Variants in ST8SIA4 observed in about 807,000 individuals in gnomAD.
ST8SIA4 encodes CMP-N-acetylneuraminate-poly-alpha-2,8-sialyltransferase.
Under a neutral mutation model 33.9 loss-of-function variants are expected in ST8SIA4, and 15 were observed. The ratio of observed to expected loss-of-function variants is 0.44; its 90% CI spans 0.30 to 0.68. The LOEUF (loss-of-function observed/expected upper bound fraction) is 0.68. Among genes scored for constraint, ST8SIA4 ranks in the 30% least tolerant of loss-of-function variants. The pLI is 0.10. For synonymous variants in ST8SIA4, 171 were observed against 151.2 expected, an observed-to-expected ratio of 1.13 and a Z score of -0.96; for missense variants, 321 against 428.0, an observed-to-expected ratio of 0.75 and a Z score of 2.21.
chr5:100,852,269 G>A (rs1751720232), intron 4 of ST8SIA4, among the ~76,000 whole-genome samples: 1 of 151,536 alleles, frequency 6.6e-6, no homozygotes, highest in South Asian at 2.1e-4. Flanking sequence ...CTACAGGTGT[G>A]TGCCACCACA....
At chr5:100,871,940 C>T (rs915607948) in intron 3 of ST8SIA4, among the ~76,000 whole-genome samples, 2 of 151,986 alleles carry the variant, frequency 1.3e-5, no homozygotes, top group African/African-American at 4.8e-5. Context: ...TAGAACATTT[C>T]ACTGTATCAC....
chr5:100,871,649 C>G (rs1752199791), intron 3 of ST8SIA4, among the ~76,000 whole-genome samples: 2 of 152,000 alleles, frequency 1.3e-5, no homozygotes, highest in Non-Finnish European at 2.9e-5. Context: ...AGTCAACAGG[C>G]TTTCCTTTTA....
intron 3 of ST8SIA4, among the ~76,000 whole-genome samples, chr5:100,859,600 T>C (rs1751890591): frequency 1.3e-5 from 2 of 152,126 alleles, no homozygotes; most frequent in Admixed American, 1.3e-4. Context: ...TGCAGCTAAC[T>C]CCACTGTATT....
chr5:100,886,931 T>C (rs1752550943), intron 2 of ST8SIA4, among the ~76,000 whole-genome samples: 1 of 152,114 alleles, frequency 6.6e-6, no homozygotes, highest in Non-Finnish European at 1.5e-5. Flanking sequence ...ACAGTGGCCA[T>C]GACTTGACTT....
chr5:100,817,323 C>G (rs1561383228), intron 4 of ST8SIA4, among the ~76,000 whole-genome samples: 1 of 151,866 alleles, frequency 6.6e-6, no homozygotes, highest in Non-Finnish European at 1.5e-5. Flanking sequence ...ATTCTCAACT[C>G]TAGAGTCACC....
rs1750743329 is a variant in ST8SIA4, at chr5:100,808,731, T to C, written c.*3116A>G. ...GCTCCGCTATTGGTTAAATCTCAACTCTTTTTCTTATTCTTGCCATTAGCC... is the reference window on the plus strand; with the variant it reads ...GCTCCGCTATTGGTTAAATCTCAACCCTTTTTCTTATTCTTGCCATTAGCC... On this transcript the variant is annotated 3_prime_UTR_variant, in exon 5 of 5. Coordinates refer to ENST00000231461, the MANE Select transcript of ST8SIA4 (RefSeq NM_005668.6). The C allele has an allele frequency of 6.5e-6, 1 of 152,704 alleles. No homozygotes were observed. The highest frequency in any genetic ancestry group is 2.4e-5 in the African/African-American group (1 of 41,476). 9.5% of individuals were successfully genotyped at this position (152,704 alleles called of 1,614,324 possible). A position where few individuals can be genotyped will look rare whatever the true frequency, so the allele number is the denominator to read the frequency against.
At chr5:100,837,832 C>A (rs917293112) in intron 4 of ST8SIA4, among the ~76,000 whole-genome samples, 1 of 151,854 alleles carries the variant, frequency 6.6e-6, no homozygotes, top group Admixed American at 6.6e-5. Context: ...TAAACTCATG[C>A]CGAAAGATGT....
intron 4 of ST8SIA4, among the ~76,000 whole-genome samples, chr5:100,844,007 A>G (rs1751518690): frequency 6.6e-6 from 1 of 151,962 alleles, no homozygotes; most frequent in Admixed American, 6.6e-5. Flanking sequence ...TAAGAGGGAC[A>G]GAAATTCTTC....
intron 4 of ST8SIA4, among the ~76,000 whole-genome samples, chr5:100,848,526 A>G (rs1319897297): frequency 2.7e-5 from 4 of 150,274 alleles, no homozygotes; most frequent in Non-Finnish European, 5.9e-5. Context: ...ATAGAGACAG[A>G]GAAACAGCAA....
chr5:100,850,902 A>G (rs1031334139), intron 4 of ST8SIA4, among the ~76,000 whole-genome samples: 40 of 151,496 alleles, frequency 2.6e-4, no homozygotes, highest in African/African-American at 9.2e-4. Flanking sequence ...AAAAGGTAAT[A>G]TAAGACTAGT....
chr5:100,849,806 CCAAAAAACAAAAATAAA>C (rs1751651561), intron 4 of ST8SIA4, among the ~76,000 whole-genome samples: 1 of 151,698 alleles, frequency 6.6e-6, no homozygotes, highest in Non-Finnish European at 1.5e-5. Flanking sequence ...AAAAAGAAAC[CCAAAAAACAAAAATAAA>C]CAAAAAACAA....
chr5:100,880,936 T>C (rs1752407912), intron 3 of ST8SIA4, among the ~76,000 whole-genome samples: 1 of 152,220 alleles, frequency 6.6e-6, no homozygotes. Flanking sequence ...GACATAGTTA[T>C]CTGAGTTAGA....
At chr5:100,895,470 A>G (rs1752760839) in intron 2 of ST8SIA4, among the ~76,000 whole-genome samples, 184 bp downstream of exon 2, 1 of 152,100 alleles carries the variant, frequency 6.6e-6, no homozygotes, top group Non-Finnish European at 1.5e-5. Context: ...ATCTCTGACT[A>G]TATAATGATT....
At chr5:100,900,922 G>T (rs1293930755) in intron 1 of ST8SIA4, among the ~76,000 whole-genome samples, 1 of 152,184 alleles carries the variant, frequency 6.6e-6, no homozygotes, top group Non-Finnish European at 1.5e-5. Flanking sequence ...TTCCTGTTTG[G>T]TTTACTCAAG....
chr5:100,886,639 A>G (rs6595534), intron 2 of ST8SIA4, 39 bp from the exon 3 acceptor site: 54,340 of 1,516,392 alleles, frequency 0.036, 2,866 homozygotes, highest in Admixed American at 0.2. Context: ...CATTACCATC[A>G]GCATATCCAA....
chr5:100,850,172 T>C (rs552991278), intron 4 of ST8SIA4, among the ~76,000 whole-genome samples: 2 of 152,320 alleles, frequency 1.3e-5, no homozygotes, highest in African/African-American at 4.8e-5. Context: ...GAAATATCTT[T>C]AAAAATTTTT....
chr5:100,841,712 T>G (rs1333329954), intron 4 of ST8SIA4, among the ~76,000 whole-genome samples: 1 of 151,902 alleles, frequency 6.6e-6, no homozygotes, highest in Non-Finnish European at 1.5e-5. Flanking sequence ...ACTGGTAACA[T>G]AGTTCTGACA....
At chr5:100,902,199 A>C (rs1230946052) in intron 1 of ST8SIA4, among the ~76,000 whole-genome samples, 4 of 152,232 alleles carry the variant, frequency 2.6e-5, no homozygotes, top group Non-Finnish European at 5.9e-5. Context: ...AAACTAAAAA[A>C]AATAGCAGAA....
chr5:100,876,183 T>C (rs1561402715), intron 3 of ST8SIA4, among the ~76,000 whole-genome samples: 2 of 152,106 alleles, frequency 1.3e-5, no homozygotes, highest in African/African-American at 2.4e-5. Flanking sequence ...GATCGAATTA[T>C]ATATGTAACT....
Sources: gnomAD v4.1 joint callset for allele counts (sites outside exome capture counted in the v4.1 genomes callset) on GRCh38, gnomAD v4.1.1 for gene constraint, MANE v1.5 for transcripts, NCBI Gene and HGNC (gene_info 2026-07-23, HGNC 2026-07-21) for gene names.